Variants in ABLIM2 observed in about 807,000 individuals in gnomAD.
ABLIM2 encodes the protein actin binding LIM protein family member 2.
A neutral mutation model predicts 97.7 loss-of-function variants in ABLIM2; 53 were observed. The observed-to-expected ratio is 0.54, with a 90% CI of 0.44 to 0.68. ABLIM2 has a LOEUF of 0.68. ABLIM2 is among the 30% of genes least tolerant of loss of function. The pLI is 0.00. For missense variants in ABLIM2, 835 were observed against 867.2 expected, an observed-to-expected ratio of 0.96 and a Z score of 0.47; for synonymous variants, 361 against 345.8, an observed-to-expected ratio of 1.04 and a Z score of -0.49.
chr4:8,013,101 G>T (rs1404299320), intron 14 of ABLIM2, among the ~76,000 whole-genome samples: 2 of 152,022 alleles, frequency 1.3e-5, no homozygotes, highest in African/African-American at 4.8e-5. Context: ...CAAGAACTTT[G>T]ATGGGAGGAG....
At chr4:7,981,656 T>C (rs1363523943) in intron 20 of ABLIM2, among the ~76,000 whole-genome samples, 1 of 152,214 alleles carries the variant, frequency 6.6e-6, no homozygotes, top group Non-Finnish European at 1.5e-5. Context: ...CAGGTCAAAA[T>C]GGATGCATCC....
intron 5 of ABLIM2, among the ~76,000 whole-genome samples, chr4:8,079,675 G>C (rs751320513): frequency 6.6e-6 from 1 of 152,156 alleles, no homozygotes; most frequent in Non-Finnish European, 1.5e-5. Context: ...TACACCCTCA[G>C]CCAGGAAGTC....
At chr4:8,089,131 G>A (rs777901560) in intron 3 of ABLIM2, among the ~76,000 whole-genome samples, 1 of 152,136 alleles carries the variant, frequency 6.6e-6, no homozygotes, top group Non-Finnish European at 1.5e-5. Flanking sequence ...GTCCGCCTCC[G>A]CAGCAAGTGC....
chr4:8,143,918 G>C (rs58901706), intron 1 of ABLIM2, among the ~76,000 whole-genome samples: 26,482 of 152,150 alleles, frequency 0.17, 2,551 homozygotes, highest in African/African-American at 0.24. Context: ...CATCCTTCCT[G>C]GTGTTGGTCT....
In ABLIM2 at chr4:8,002,330, C is replaced by A. The variant is rs1757787091; in HGVS notation, c.1618+5729G>T. Among the ~76,000 whole-genome samples the A allele has an allele frequency of 6.6e-6, 1 of 152,192 alleles. No homozygotes were observed. The highest frequency in any genetic ancestry group is 2.1e-4 in the South Asian group (1 of 4,820). ...TGCACCAGAGCCAACCCAGTGTCTTCTTTGATTCCGTCACCCCCGCAGCCA... is the reference window on the plus strand; with the variant it reads ...TGCACCAGAGCCAACCCAGTGTCTTATTTGATTCCGTCACCCCCGCAGCCA... On this transcript the variant is annotated intron_variant, in intron 16 of 20. Transcript: ENST00000447017. This position sits in a 1 kb window ranked among gnomAD's most constrained non-coding sequence, Gnocchi z 6.1.
intron 10 of ABLIM2, among the ~76,000 whole-genome samples, chr4:8,034,544 G>A (rs1350345950): frequency 2.0e-5 from 1 of 49,380 alleles, no homozygotes; most frequent in Non-Finnish European, 3.9e-5. Context: ...GTAGGTGGGT[G>A]CAGGTGGGTG....
intron 17 of ABLIM2, chr4:7,989,510 GCCTC>G: frequency 2.6e-5 from 21 of 807,208 alleles, no homozygotes; most frequent in Non-Finnish European, 3.0e-5. Context: ...ATTCCATTAT[GCCTC>G]CATAATGAAT....
At chr4:7,967,768 T>TCC (rs1351957579) in intron 20 of ABLIM2, among the ~76,000 whole-genome samples, 326 of 152,342 alleles carry the variant, frequency 2.1e-3, no homozygotes, top group African/African-American at 7.2e-3. Flanking sequence ...AGTTAGACCC[T>TCC]GGAGCCTCAG....
rs1561333696 is a variant in ABLIM2 at position 8,091,601 on chromosome 4, T to TATATATAATTATATATA, written c.339-3318_339-3317insTATATATAATTATATAT. ...TTATATAAAATTATATATATAATTA[T>TATATATAATTATATATA]ATATATTATGTATAATTTTATATAA... is the stretch of plus-strand genomic sequence containing the variant. On this transcript the variant is annotated intron_variant, in intron 3 of 20. Transcript: ENST00000447017. Among the ~76,000 whole-genome samples, 7 of 52,052 alleles carry TATATATAATTATATATA rather than the reference T, an allele frequency of 1.3e-4. No individual in the cohort carries two copies. In the East Asian group the frequency reaches 2.3e-3, roughly 17 times the overall value. The allele number at this position is 52,052 out of a possible 152,430, so 34.1% of individuals were successfully genotyped here.
intron 1 of ABLIM2, among the ~76,000 whole-genome samples, chr4:8,134,134 C>G (rs947165389): frequency 6.6e-6 from 1 of 152,202 alleles, no homozygotes; most frequent in Non-Finnish European, 1.5e-5. Context: ...GATGGAGGTA[C>G]AGAGGCTCCG....
rs192127168 is a variant in ABLIM2 at position 8,000,858 on chromosome 4, C to T, written c.1618+7201G>A. Among the ~76,000 whole-genome samples, 201 of 152,292 alleles carry T rather than the reference C, an allele frequency of 1.3e-3. 2 individuals carry two copies. The highest frequency in any genetic ancestry group is 4.7e-3 in the African/African-American group (194 of 41,534). ...GGTGACAGATCTGTGATCCAGGGCC[C>T]TGAGCCTGTTCTCTGCGGGTCTGTC... On this transcript the variant is annotated intron_variant, in intron 16 of 20. Transcript: ENST00000447017.
chr4:8,019,105 A>G lies in ABLIM2; in HGVS notation c.1423+513T>C, dbSNP rs1313033585. Among the ~76,000 whole-genome samples the G allele has an allele frequency of 6.6e-6, 1 of 152,172 alleles. No homozygotes were observed. Among genetic ancestry groups the G allele is most frequent in the Non-Finnish European group, 1.5e-5 (1 of 68,040 alleles). ...GGAGCAGAGCTGGGCGTCAGCTCCT[A>G]TTTGCTTATGCAAGAAATCTCCGTA... On this transcript the variant is annotated intron_variant, in intron 14 of 20. Coordinates refer to ENST00000447017, the MANE Select transcript of ABLIM2 (RefSeq NM_001130083.2). This position sits in a 1 kb window ranked among gnomAD's most constrained non-coding sequence, Gnocchi z 4.3.
At chr4:8,106,359 T>C in intron 2 of ABLIM2, 135 bp downstream of exon 2, 2 of 1,251,718 alleles carry the variant, frequency 1.6e-6, no homozygotes, top group Non-Finnish European at 2.2e-6. Context: ...CACTCTCCTC[T>C]GAAGATTCTG....
At chr4:8,105,911 G>A (rs762388622) in intron 2 of ABLIM2, among the ~76,000 whole-genome samples, 2 of 152,112 alleles carry the variant, frequency 1.3e-5, no homozygotes, top group African/African-American at 4.8e-5. Context: ...TCCGTTGGCC[G>A]GGCCCGGTTG....
chr4:8,021,257 G>A lies in ABLIM2; in HGVS notation c.1268-954C>T, dbSNP rs946851513. ...ACCTGGAACTATAATTCTGTTTTGC[G>A]AACAAGGTTGGATTATCAAGTCACG... On this transcript the variant is annotated intron_variant, in intron 12 of 20. Transcript: ENST00000447017. The surrounding 1 kb of genome is among the most constrained non-coding windows in gnomAD (Gnocchi z 5.5). 2.6e-5 allele frequency among the ~76,000 whole-genome samples: 4 copies of A among 152,132 alleles called. No individual in the cohort carries two copies. Among genetic ancestry groups the A allele is most frequent in the Non-Finnish European group, 4.4e-5 (3 of 68,036 alleles).
Position 7,999,864 on chromosome 4 carries a change from C to T in ABLIM2, c.1619-6937G>A, listed in dbSNP as rs1348889303. The stretch of plus-strand genomic sequence containing the variant: ...AGCCACCTTGCCCTCAGCACCCCGC[C>T]AGGCCTGCTCTTGGGGCCCTGAGCC... On this transcript the variant is annotated intron_variant, in intron 16 of 20. Transcript: ENST00000447017. This position sits in a 1 kb window ranked among gnomAD's most constrained non-coding sequence, Gnocchi z 4.4. Among the ~76,000 whole-genome samples, 1 of 152,212 alleles carries T rather than the reference C, an allele frequency of 6.6e-6. No homozygotes were observed. The highest frequency in any genetic ancestry group is 1.5e-5 in the Non-Finnish European group (1 of 68,034).
chr4:7,984,795 C>A (rs761933362), intron 18 of ABLIM2, 44 bp downstream of exon 18: 39 of 1,545,428 alleles, frequency 2.5e-5, no homozygotes, highest in Non-Finnish European at 3.2e-5. Flanking sequence ...GTGTTAGCGA[C>A]CCCTGCCCCA....
chr4:8,126,836 T>C (rs62289399), intron 1 of ABLIM2, among the ~76,000 whole-genome samples: 22,938 of 151,908 alleles, frequency 0.15, 1,773 homozygotes, highest in Admixed American at 0.18. Flanking sequence ...GAGGCTGAGA[T>C]GGGAGAACTG....
chr4:8,132,189 C>A lies in ABLIM2; in HGVS notation c.11-25552G>T, dbSNP rs2152932403. ...TGGTCCCACGAGGCTGCAATCACCC[C>A]CCTGCTCACTCATGCTCACCCCCTC... On this transcript the variant is annotated intron_variant, in intron 1 of 20. Coordinates refer to ENST00000447017, the MANE Select transcript of ABLIM2 (RefSeq NM_001130083.2). The surrounding 1 kb of genome is among the most constrained non-coding windows in gnomAD (Gnocchi z 8.0). Among the ~76,000 whole-genome samples, 1 of 151,956 alleles carries A rather than the reference C, an allele frequency of 6.6e-6. No homozygotes were observed. The highest frequency in any genetic ancestry group is 1.9e-4 in the East Asian group (1 of 5,150).
Sources: allele counts gnomAD v4.1 joint callset (sites outside exome capture counted in the v4.1 genomes callset), GRCh38; gene constraint gnomAD v4.1.1; non-coding constraint Gnocchi (gnomAD v3.1); transcripts MANE v1.5; gene names NCBI Gene and HGNC (gene_info 2026-07-23, HGNC 2026-07-21).